NELL2: variants seen among roughly 807,000 people sequenced by gnomAD.
NELL2 encodes neural EGFL like 2.
In NELL2, 41 loss-of-function variants were observed where a neutral mutation model predicts 109.6. That is an observed-to-expected ratio of 0.37 (90% CI 0.29 to 0.49). NELL2 has a LOEUF of 0.49. NELL2 is among the 20% of genes least tolerant of loss of function. The pLI is 0.98. For missense variants in NELL2, 900 were observed against 1,008.3 expected (o/e 0.89, Z 1.45); for synonymous variants, 355 against 344.7 (o/e 1.03, Z -0.33).
chr12:44,762,811 T>C (rs1314582379), intron 9 of NELL2, among the ~76,000 whole-genome samples: 2 of 152,206 alleles, frequency 1.3e-5, no homozygotes, highest in African/African-American at 2.4e-5. Flanking sequence ...ATTTTACTTA[T>C]TTCAGGTGCT....
chr12:44,819,103 T>C (rs1943456794), intron 2 of NELL2, among the ~76,000 whole-genome samples: 1 of 152,134 alleles, frequency 6.6e-6, no homozygotes, highest in Non-Finnish European at 1.5e-5. Flanking sequence ...AGATTGGCCT[T>C]AAGGTAAAAG....
chr12:44,743,878 T>A (rs1039035519), intron 9 of NELL2, among the ~76,000 whole-genome samples: 4 of 152,068 alleles, frequency 2.6e-5, no homozygotes, highest in Admixed American at 2.0e-4. Context: ...ACTGTCAACA[T>A]TAGACAGATC....
intron 9 of NELL2, among the ~76,000 whole-genome samples, chr12:44,768,314 T>C (rs1592494735): frequency 2.7e-5 from 2 of 74,148 alleles, no homozygotes; most frequent in South Asian, 8.7e-4. Flanking sequence ...TTTTAAAGGG[T>C]TTTTTTTTTA....
intron 9 of NELL2, among the ~76,000 whole-genome samples, chr12:44,758,064 T>A (rs372391818): frequency 1.4e-5 from 2 of 141,562 alleles, no homozygotes; most frequent in Non-Finnish European, 3.2e-5. Flanking sequence ...ACACACACAC[T>A]CCCCCGCCAC....
chr12:44,787,967 C>T (rs1248253132), intron 3 of NELL2, among the ~76,000 whole-genome samples: 1 of 152,122 alleles, frequency 6.6e-6, no homozygotes, highest in Non-Finnish European at 1.5e-5. Context: ...TGGACACCAT[C>T]AGAAAGGGAA....
intron 15 of NELL2, among the ~76,000 whole-genome samples, chr12:44,553,080 G>A (rs1943102930): frequency 7.3e-6 from 1 of 137,300 alleles, no homozygotes; most frequent in Non-Finnish European, 1.5e-5. Flanking sequence ...GAGATCACAT[G>A]GACACAGGAA....
chr12:44,639,569 C>A (rs750879413), intron 13 of NELL2, among the ~76,000 whole-genome samples: 1 of 152,154 alleles, frequency 6.6e-6, no homozygotes, highest in Non-Finnish European at 1.5e-5. Flanking sequence ...ATGAGACTCA[C>A]TTGACTTTTC....
intron 11 of NELL2, among the ~76,000 whole-genome samples, chr12:44,706,721 T>G (rs1937902684): frequency 6.6e-6 from 1 of 152,176 alleles, no homozygotes. Context: ...TTAAATATGT[T>G]GAGATCCATA....
At chr12:44,596,631 T>C (rs1944976029) in intron 15 of NELL2, among the ~76,000 whole-genome samples, 1 of 152,160 alleles carries the variant, frequency 6.6e-6, no homozygotes, top group South Asian at 2.1e-4. Context: ...GAAAGGGACT[T>C]GCTATGTTGC....
chr12:44,659,819 T>C (rs936258958), intron 13 of NELL2, among the ~76,000 whole-genome samples: 3 of 152,174 alleles, frequency 2.0e-5, no homozygotes, highest in Non-Finnish European at 2.9e-5. Flanking sequence ...GTAGAACTCC[T>C]TGTGCTTAGA....
chr12:44,522,627 G>A (rs1182073660), intron 17 of NELL2: 2 of 152,620 alleles, frequency 1.3e-5, no homozygotes, highest in Non-Finnish European at 2.9e-5. Flanking sequence ...TGTATAAACT[G>A]TTATCAATTT....
At chr12:44,556,443 G>A (rs1312481361) in intron 15 of NELL2, among the ~76,000 whole-genome samples, 1 of 152,144 alleles carries the variant, frequency 6.6e-6, no homozygotes, top group Non-Finnish European at 1.5e-5. Context: ...GCACCCAAAT[G>A]GCAATCTTAG....
chr12:44,728,771 G>A (rs1015935878), intron 9 of NELL2, among the ~76,000 whole-genome samples: 1 of 152,156 alleles, frequency 6.6e-6, no homozygotes, highest in African/African-American at 2.4e-5. Flanking sequence ...ACTGCCATCA[G>A]ACTATCAGCA....
intron 1 of NELL2, among the ~76,000 whole-genome samples, chr12:44,901,993 A>G (rs752541493): frequency 1.6e-4 from 24 of 152,224 alleles, no homozygotes; most frequent in Admixed American, 4.6e-4. Flanking sequence ...AACTGGCACA[A>G]GACAAGGATA....
chr12:44,830,566 G>A (rs1257459864), intron 2 of NELL2, among the ~76,000 whole-genome samples: 1 of 152,084 alleles, frequency 6.6e-6, no homozygotes, highest in South Asian at 2.1e-4. Flanking sequence ...TCAAACCAGA[G>A]TTTCAGACAC....
At chr12:44,644,559 T>A (rs1455887718) in intron 13 of NELL2, among the ~76,000 whole-genome samples, 2 of 136,886 alleles carry the variant, frequency 1.5e-5, no homozygotes, top group Non-Finnish European at 3.1e-5. Flanking sequence ...CCTGAAGACA[T>A]CCTATACCAG....
At chr12:44,510,282 T>C (rs2138953240) in intron 19 of NELL2, among the ~76,000 whole-genome samples, 1 of 152,298 alleles carries the variant, frequency 6.6e-6, no homozygotes, top group Non-Finnish European at 1.5e-5. Context: ...GCATTCCCAG[T>C]TGGATTCCTA....
intron 1 of NELL2, among the ~76,000 whole-genome samples, chr12:44,906,879 G>A (rs1389700997): frequency 6.6e-6 from 1 of 152,056 alleles, no homozygotes; most frequent in East Asian, 1.9e-4. Flanking sequence ...GTATGTAGAT[G>A]TCTCTTAAAG....
intron 13 of NELL2, among the ~76,000 whole-genome samples, chr12:44,630,729 G>A (rs1946424313): frequency 6.6e-6 from 1 of 152,050 alleles, no homozygotes; most frequent in Admixed American, 6.6e-5. Flanking sequence ...TAATAATGAA[G>A]AAATTAATTA....
Sources: allele counts gnomAD v4.1 joint callset (sites outside exome capture counted in the v4.1 genomes callset), GRCh38; gene constraint gnomAD v4.1.1; transcripts MANE v1.5; gene names NCBI Gene and HGNC (gene_info 2026-07-23, HGNC 2026-07-21).